Variants in LY86 observed in about 807,000 individuals in gnomAD.
LY86 encodes the protein lymphocyte antigen 86, also known as MD-1, RP105-associated.
Under a neutral mutation model 17.3 loss-of-function variants are expected in LY86, and 20 were observed. The ratio of observed to expected loss-of-function variants is 1.15; its 90% confidence interval spans 0.81 to 1.68. LY86 has a LOEUF of 1.68. Ranked by LOEUF, LY86 falls within the 40% of genes most tolerant of loss-of-function variation. LY86 has a pLI of 0.00. For missense variants in LY86, 200 were observed against 191.9 expected (o/e 1.04, Z -0.25); for synonymous variants, 74 against 70.6 (o/e 1.05, Z -0.24).
At chr6:6,595,375 G>C (rs1300199567) in intron 1 of LY86, among the ~76,000 whole-genome samples, 1 of 98,810 alleles carries the variant, frequency 1.0e-5, no homozygotes. Flanking sequence ...GAAGAAAGAA[G>C]AGAGGGGAGA....
intron 1 of LY86, among the ~76,000 whole-genome samples, chr6:6,605,326 G>A (rs1398724070): frequency 3.3e-5 from 5 of 152,348 alleles, no homozygotes; most frequent in East Asian, 3.8e-4. Context: ...TTAGTTGGGG[G>A]TCTCTGGGAA....
At chr6:6,636,468 C>T (rs1275417878) in intron 3 of LY86, among the ~76,000 whole-genome samples, 2 of 152,152 alleles carry the variant, frequency 1.3e-5, no homozygotes, top group Admixed American at 6.5e-5. Flanking sequence ...AAGCAAGGGC[C>T]CTGAGCCCCT....
intron 3 of LY86, among the ~76,000 whole-genome samples, chr6:6,645,137 T>G (rs1762091266): frequency 6.6e-6 from 1 of 152,136 alleles, no homozygotes; most frequent in Non-Finnish European, 1.5e-5. Flanking sequence ...AGAGTCATAC[T>G]CATCCATTTT....
At chr6:6,649,709 G>A (rs778780216) in intron 4 of LY86, 32 bp downstream of exon 4, 1 of 1,301,192 alleles carries the variant, frequency 7.7e-7, no homozygotes, top group Non-Finnish European at 1.1e-6. Flanking sequence ...GTATTAAATA[G>A]TTTGTTTCTT....
At chr6:6,617,650 C>G (rs28576231) in intron 1 of LY86, among the ~76,000 whole-genome samples, 10,515 of 152,162 alleles carry the variant, frequency 0.069, 468 homozygotes, top group East Asian at 0.17. Flanking sequence ...AATGATGAGC[C>G]AAGTTGCTCT....
At chr6:6,621,454 G>C (rs1761671751) in intron 1 of LY86, 1 of 152,220 alleles carries the variant, frequency 6.6e-6, no homozygotes, top group African/African-American at 2.4e-5. Context: ...TGAGGCATTT[G>C]CAGGATAGGT....
At chr6:6,591,502 G>A (rs1760529802) in intron 1 of LY86, 1 of 153,794 alleles carries the variant, frequency 6.5e-6, no homozygotes, top group Non-Finnish European at 1.5e-5. Context: ...GAGTCACCAA[G>A]CCTAAGTTGA....
intron 1 of LY86, among the ~76,000 whole-genome samples, chr6:6,598,651 T>C (rs9378475): frequency 0.9 from 137,665 of 152,194 alleles, 62,314 homozygotes; most frequent in Middle Eastern, 0.98. Flanking sequence ...TCTCAAGTGA[T>C]GTGCTCTTTA....
At chr6:6,613,547 G>A (rs955138042) in intron 1 of LY86, among the ~76,000 whole-genome samples, 1 of 152,146 alleles carries the variant, frequency 6.6e-6, no homozygotes, top group Non-Finnish European at 1.5e-5. Context: ...CCGAGTGCGG[G>A]GCCCGCCGAT....
intron 3 of LY86, among the ~76,000 whole-genome samples, chr6:6,633,213 G>T (rs1016116936): frequency 2.6e-5 from 4 of 152,154 alleles, no homozygotes; most frequent in African/African-American, 9.7e-5. Flanking sequence ...TTAAAAAGTG[G>T]AGAGAAATGA....
chr6:6,610,213 G>A (rs537635353), intron 1 of LY86, among the ~76,000 whole-genome samples: 1 of 152,254 alleles, frequency 6.6e-6, no homozygotes, highest in Non-Finnish European at 1.5e-5. Context: ...TCAATGACTA[G>A]GTTTTGATAC....
Position 6,654,621 on chromosome 6 carries a change from C to A in LY86, c.483C>A (p.Cys161Ter). ...CCTGTGCCAATGCTACTATCATGTG[C>A]TCCTGACTGTGGCCTGTAGCAAAAA... ...TVACANATIM[C>*]S Residue 161 changes from cysteine to a stop codon, truncating the protein, a stop_gained, in exon 5 of 5, where the codon TGC becomes TGA. Coordinates refer to ENST00000230568, the MANE Select transcript of LY86 (RefSeq NM_004271.4). LOFTEE classifies it high-confidence loss of function. 1 of 1,614,056 alleles carries A rather than the reference C, an allele frequency of 6.2e-7. No individual in the cohort carries two copies. The highest frequency in any genetic ancestry group is 8.5e-7 in the Non-Finnish European group (1 of 1,179,894).
chr6:6,614,375 C>T (rs1345600952), intron 1 of LY86, among the ~76,000 whole-genome samples: 1 of 121,398 alleles, frequency 8.2e-6, no homozygotes. Context: ...ATAATCACGT[C>T]TCTTTTTTTT....
chr6:6,615,793 G>A (rs1247398284), intron 1 of LY86, among the ~76,000 whole-genome samples: 2 of 151,352 alleles, frequency 1.3e-5, no homozygotes, highest in African/African-American at 4.9e-5. Context: ...TTGGGAGGCT[G>A]AGGTAGGAGG....
At chr6:6,592,016 T>C (rs1760545452) in intron 1 of LY86, among the ~76,000 whole-genome samples, 1 of 152,204 alleles carries the variant, frequency 6.6e-6, no homozygotes, top group South Asian at 2.1e-4. Flanking sequence ...GGTTGCATTT[T>C]GGAAAGATCC....
At chr6:6,615,411 A>G (rs1232366632) in intron 1 of LY86, among the ~76,000 whole-genome samples, 1 of 152,202 alleles carries the variant, frequency 6.6e-6, no homozygotes, top group Admixed American at 6.5e-5. Context: ...CATCTCAGAA[A>G]TATCTATTTA....
At chr6:6,639,192 T>C (rs2064236) in intron 3 of LY86, among the ~76,000 whole-genome samples, 49,374 of 151,630 alleles carry the variant, frequency 0.33, 8,199 homozygotes, top group Middle Eastern at 0.43. Flanking sequence ...CCATCCTGAG[T>C]TCGTTTGTGA....
At chr6:6,610,192 G>A (rs1196439075) in intron 1 of LY86, among the ~76,000 whole-genome samples, 1 of 152,234 alleles carries the variant, frequency 6.6e-6, no homozygotes, top group Non-Finnish European at 1.5e-5. Flanking sequence ...AGTCTGTAGA[G>A]TACACCAGTG....
chr6:6,595,450 AAAG>A (rs1329499735), intron 1 of LY86, among the ~76,000 whole-genome samples: 3 of 151,310 alleles, frequency 2.0e-5, no homozygotes, highest in African/African-American at 7.3e-5. Flanking sequence ...GGGAGTGGAA[AAAG>A]AAGAGAGGGA....
Sources: gnomAD v4.1 joint callset for allele counts (sites outside exome capture counted in the v4.1 genomes callset) on GRCh38, gnomAD v4.1.1 for gene constraint, MANE v1.5 for transcripts, NCBI Gene and HGNC (gene_info 2026-07-23, HGNC 2026-07-21) for gene names.